The following IFITM10 variants were observed in gnomAD, a reference collection of about 807,000 sequenced individuals.
IFITM10 encodes the protein interferon induced transmembrane protein 10, also known as interferon-induced transmembrane protein 10.
A neutral mutation model predicts 19.0 loss-of-function variants in IFITM10; 17 were observed. The observed-to-expected ratio is 0.90, with a 90% CI of 0.61 to 1.34. IFITM10 has a LOEUF of 1.34. IFITM10 is among the 40% of genes most tolerant of loss of function. IFITM10 has a pLI of 0.00. For synonymous variants in IFITM10, 148 were observed against 147.2 expected (o/e 1.01, Z -0.04); for missense variants, 306 against 319.8 (o/e 0.96, Z 0.33).
At chr11:1,743,729 C>T (rs1462242920) in intron 2 of IFITM10, among the ~76,000 whole-genome samples, 1 of 152,070 alleles carries the variant, frequency 6.6e-6, no homozygotes, top group East Asian at 1.9e-4. Context: ...ACACCTGTTC[C>T]TCCTCTCCCA....
chr11:1,739,964 G>C (rs1851128095), intron 2 of IFITM10, among the ~76,000 whole-genome samples: 1 of 152,150 alleles, frequency 6.6e-6, no homozygotes, highest in Admixed American at 6.5e-5. Flanking sequence ...AGATGAACGT[G>C]ATATGACATA....
At chr11:1,738,205 G>C (rs567541565) in intron 2 of IFITM10, among the ~76,000 whole-genome samples, 1 of 152,172 alleles carries the variant, frequency 6.6e-6, no homozygotes, top group East Asian at 1.9e-4. Flanking sequence ...GGGACAGGGA[G>C]AGAGCTGAAT....
chr11:1,749,550 C>T (rs1391312122), intron 1 of IFITM10, among the ~76,000 whole-genome samples: 1 of 151,904 alleles, frequency 6.6e-6, no homozygotes, highest in Non-Finnish European at 1.5e-5. Flanking sequence ...TGGCGCTCCA[C>T]CCCAGCGCCT....
At chr11:1,744,978 CTCCCT>C (rs1418785217) in intron 2 of IFITM10, 1 of 152,480 alleles carries the variant, frequency 6.6e-6, no homozygotes, top group Non-Finnish European at 1.5e-5. Flanking sequence ...CAGTTCCGTC[CTCCCT>C]TCTGCCCAGG....
chr11:1,735,075 C>T lies in IFITM10; in HGVS notation c.*205G>A, dbSNP rs1043905607. The T allele has an allele frequency of 5.2e-5, 30 of 572,940 alleles. No homozygotes were observed. The highest frequency in any genetic ancestry group is 4.6e-4 in the Middle Eastern group (1 of 2,196). 35.5% of individuals were successfully genotyped at this position (572,940 alleles called of 1,614,324 possible). A position where few individuals can be genotyped will look rare whatever the true frequency, so the allele number is the denominator to read the frequency against. On this transcript the variant is annotated 3_prime_UTR_variant, in exon 3 of 3. Transcript: ENST00000340134. ...CACAGGCAGGGTGGAGGCCAGGAGG[C>T]GGAGGGGGTGGACTGAGGGCCAAGC...
Position 1,747,720 on chromosome 11 carries a change from C to G in IFITM10, c.484G>C (p.Val162Leu). The change falls in exon 2 of 3, where the codon GTC becomes CTC. Residue 162 changes from valine to leucine, a missense_variant. Val to Leu is a conservative substitution (Grantham distance 32). Transcript: ENST00000340134. ...DYYLWSIFNF[V>L]YLNFCCLGFI... ...CCCAGGCAGCAGAAGTTGAGGTAGA[C>G]GAAGTTGAAGATGGACCACAGGTAA... is the stretch of plus-strand genomic sequence containing the variant. 1 of 1,551,800 alleles carries G rather than the reference C, an allele frequency of 6.4e-7. No homozygotes were observed. The highest frequency in any genetic ancestry group is 8.7e-7 in the Non-Finnish European group (1 of 1,146,994).
At chr11:1,744,642 G>C (rs916407194) in intron 2 of IFITM10, 5 of 152,508 alleles carry the variant, frequency 3.3e-5, no homozygotes, top group African/African-American at 9.7e-5. Context: ...ATGTGGGTGG[G>C]GGGGGTGGAT....
At chr11:1,739,938 T>C (rs1293238746) in intron 2 of IFITM10, among the ~76,000 whole-genome samples, 1 of 151,964 alleles carries the variant, frequency 6.6e-6, no homozygotes, top group Non-Finnish European at 1.5e-5. Flanking sequence ...TGCTTTTTAG[T>C]CATTTAGAGC....
At chr11:1,735,916 C>T (rs551591122) in intron 2 of IFITM10, among the ~76,000 whole-genome samples, 4 of 152,210 alleles carry the variant, frequency 2.6e-5, no homozygotes, top group African/African-American at 9.6e-5. Context: ...TGAGGATGAG[C>T]GTTGTGCATT....
At position 1,735,543 on chromosome 11, in the gene IFITM10, G is replaced by A. The variant is rs1019926915; in HGVS notation, c.538-114C>T. Reference sequence around the variant, plus strand: ...GTGCTCAGCACAGTACCAGTGCTTTGTTTCCGAGAGCTGACGAATGAACGA... The same window carrying A: ...GTGCTCAGCACAGTACCAGTGCTTTATTTCCGAGAGCTGACGAATGAACGA... On this transcript the variant is annotated intron_variant, in intron 2 of 2. Transcript: ENST00000340134. The A allele has an allele frequency of 7.6e-6, 7 of 924,078 alleles. No homozygotes were observed. The Admixed American group carries it at 2.0e-4, about 26-fold the overall frequency. The allele number at this position is 924,078 out of a possible 1,614,324, so 57.2% of individuals were successfully genotyped here. A position where few individuals can be genotyped will look rare whatever the true frequency, so the allele number is the denominator to read the frequency against.
chr11:1,741,439 G>A (rs945741855), intron 2 of IFITM10, among the ~76,000 whole-genome samples: 1 of 152,008 alleles, frequency 6.6e-6, no homozygotes, highest in Non-Finnish European at 1.5e-5. Flanking sequence ...GTGGGTAGAG[G>A]AGAGGGAGGA....
chr11:1,748,090 C>A lies in IFITM10; in HGVS notation c.114G>T (p.Pro38=), dbSNP rs1408326992. The A allele has an allele frequency of 2.5e-5, 35 of 1,405,188 alleles. No homozygotes were observed. Among genetic ancestry groups the A allele is most frequent in the Non-Finnish European group, 3.1e-5 (34 of 1,087,126 alleles). The allele number at this position is 1,405,188 out of a possible 1,614,324, so 87.0% of individuals were successfully genotyped here. ...CCGTGGTGCTGGCCGGGTCTCCCAG[C>A]GGGGCTGGGCACTGGCCGGGGCCCT... is the stretch of plus-strand genomic sequence containing the variant. The part of the protein sequence containing the change: ...EAQGPGQCPA[P]LGDPASTTDG... The change falls in exon 2 of 3, where the codon CCG becomes CCT. Residue 38 remains proline (P), a synonymous_variant. Transcript: ENST00000340134.
intron 2 of IFITM10, among the ~76,000 whole-genome samples, chr11:1,739,630 C>G (rs980374846): frequency 1.3e-5 from 2 of 151,908 alleles, no homozygotes; most frequent in Non-Finnish European, 2.9e-5. Context: ...AGGTGCAAGT[C>G]TAGCTTGGTG....
Position 1,748,130 on chromosome 11 carries a change from G to C in IFITM10, c.85-11C>G. 5.2e-6 allele frequency: 7 copies of C among 1,355,026 alleles called. No individual in the cohort carries two copies. Among genetic ancestry groups the C allele is most frequent in the Non-Finnish European group, 6.6e-6 (7 of 1,061,038 alleles). The allele number at this position is 1,355,026 out of a possible 1,614,324, so 83.9% of individuals were successfully genotyped here. A position where few individuals can be genotyped will look rare whatever the true frequency, so the allele number is the denominator to read the frequency against. On this transcript the variant is annotated splice_polypyrimidine_tract_variant and intron_variant, in intron 1 of 2. Coordinates refer to ENST00000340134, the MANE Select transcript of IFITM10 (RefSeq NM_001170820.4). The stretch of plus-strand genomic sequence containing the variant: ...GCCGGGGCCCTGGGCCTGGAGAGGA[G>C]AAAGTGAGAGCAAGCTGGGCCCGGC...
Position 1,750,514 on chromosome 11 carries a change from C to A in IFITM10, c.-72G>T, listed in dbSNP as rs987269775. 2 of 1,538,984 alleles carry A rather than the reference C, an allele frequency of 1.3e-6. No individual in the cohort carries two copies. The highest frequency in any genetic ancestry group is 1.8e-6 in the Non-Finnish European group (2 of 1,139,152). On this transcript the variant is annotated 5_prime_UTR_variant, in exon 1 of 3. Coordinates refer to ENST00000340134, the MANE Select transcript of IFITM10 (RefSeq NM_001170820.4). ...ACTCTCAACTGGCCTCCTGTGTCTC[C>A]GCAACCCTCTTTCCTGTCTGGAAGG...
chr11:1,742,028 T>C (rs181296920), intron 2 of IFITM10, among the ~76,000 whole-genome samples: 1 of 152,264 alleles, frequency 6.6e-6, no homozygotes, highest in East Asian at 1.9e-4. Context: ...GAGAAGTAAA[T>C]ACCCAGTGTT....
In IFITM10 at chr11:1,744,131, T is replaced by C. The variant is rs1047670874; in HGVS notation, c.537+3536A>G. Among the ~76,000 whole-genome samples the C allele has an allele frequency of 1.3e-5, 2 of 152,242 alleles. 1 individual carries two copies. The highest frequency in any genetic ancestry group is 1.3e-4 in the Admixed American group (2 of 15,284). On this transcript the variant is annotated intron_variant, in intron 2 of 2. Coordinates refer to ENST00000340134, the MANE Select transcript of IFITM10 (RefSeq NM_001170820.4). ...GAAGTTTTCCAGCCTCACCCCAAAC[T>C]GGGAATGAAGTATTCCTTTTCTGAA...
In IFITM10 at chr11:1,747,816, C is replaced by T. The variant is rs1328527218; in HGVS notation, c.388G>A (p.Glu130Lys). The change falls in exon 2 of 3, where the codon GAG becomes AAG. Residue 130 changes from glutamate to lysine, a missense_variant. Physicochemically the swap from Glu to Lys is moderately conservative, Grantham distance 56 (BLOSUM62 1). Coordinates refer to ENST00000340134, the MANE Select transcript of IFITM10 (RefSeq NM_001170820.4). ...GTGGGGTTGGTCATCGTCTTCTTCT[C>T]GGCTAGGTGCTTGCAGGCAGGGGGC... ...GAPPACKHLA[E>K]KKTMTNPTTV... is the part of the protein sequence containing the mutation. 20 of 1,549,660 alleles carry T rather than the reference C, an allele frequency of 1.3e-5. No individual in the cohort carries two copies. The highest frequency in any genetic ancestry group is 2.0e-5 in the Admixed American group (1 of 50,808).
chr11:1,740,299 C>CAAAAAAAAAA (rs58480346), intron 2 of IFITM10, among the ~76,000 whole-genome samples: 8 of 41,004 alleles, frequency 2.0e-4, no homozygotes, highest in East Asian at 1.8e-3. Flanking sequence ...GACTCCATCT[C>CAAAAAAAAAA]AAAAAAAAAA....
Sources: gnomAD v4.1 joint callset for allele counts (sites outside exome capture counted in the v4.1 genomes callset) on GRCh38, gnomAD v4.1.1 for gene constraint, MANE v1.5 for transcripts, NCBI Gene and HGNC (gene_info 2026-07-23, HGNC 2026-07-21) for gene names.